TRIM27: variants seen among roughly 807,000 people sequenced by gnomAD.
TRIM27 encodes the protein tripartite motif containing 27.
A neutral mutation model predicts 57.6 loss-of-function variants in TRIM27; 12 were observed. The observed-to-expected ratio is 0.21, with a 90% CI of 0.13 to 0.34. The LOEUF is 0.34. Ranked by LOEUF, TRIM27 falls within the 10% of genes least tolerant of loss-of-function variation. The pLI is 1.00. For missense variants in TRIM27, 403 were observed against 656.8 expected (o/e 0.61, Z 4.22); for synonymous variants, 266 against 259.0 (o/e 1.03, Z -0.26).
chr6:28,907,731 C>T (rs9461485), intron 6 of TRIM27: 4,304 of 401,434 alleles, frequency 0.011, 143 homozygotes, highest in African/African-American at 0.078. Flanking sequence ...ATTTCTCACA[C>T]ATTATCCCAC....
At chr6:28,922,713 A>G (rs558211264) in intron 1 of TRIM27, among the ~76,000 whole-genome samples, 6 of 152,300 alleles carry the variant, frequency 3.9e-5, no homozygotes, top group Admixed American at 6.5e-5. Flanking sequence ...CCTGAGTCTC[A>G]GAGTGGTTAA....
intron 7 of TRIM27, chr6:28,905,422 C>T (rs1356317731): frequency 6.6e-6 from 1 of 152,094 alleles, no homozygotes; most frequent in African/African-American, 2.4e-5. Flanking sequence ...GGTTTTGATG[C>T]TATAATTAAT....
chr6:28,903,757 T>G lies in TRIM27; in HGVS notation c.*313A>C. Reference sequence around the variant, plus strand: ...CTGAGCCAAGAAGCTGGAAGTATCTTGAACGGCTCTCCAAATCCAAAGATT... The same window carrying G: ...CTGAGCCAAGAAGCTGGAAGTATCTGGAACGGCTCTCCAAATCCAAAGATT... On this transcript the variant is annotated 3_prime_UTR_variant, in exon 8 of 8. Transcript: ENST00000377199. The G allele has an allele frequency of 2.6e-6, 1 of 379,320 alleles. No homozygotes were observed. Among genetic ancestry groups the G allele is most frequent in the Non-Finnish European group, 4.7e-6 (1 of 210,708 alleles). The allele number at this position is 379,320 out of a possible 1,614,324, so 23.5% of individuals were successfully genotyped here. A position where few individuals can be genotyped will look rare whatever the true frequency, so the allele number is the denominator to read the frequency against.
In TRIM27 at chr6:28,920,198, C is replaced by G; in HGVS notation, c.561G>C (p.Glu187Asp). 2 of 1,613,256 alleles carry G rather than the reference C, an allele frequency of 1.2e-6. No homozygotes were observed. The highest frequency in any genetic ancestry group is 1.7e-6 in the Non-Finnish European group (2 of 1,179,346). Residue 187 changes from glutamate (E) to aspartate (D), a missense_variant, in exon 3 of 8, where the codon GAG becomes GAC. By Grantham distance (45) the Glu-to-Asp change is conservative (BLOSUM62 2). Coordinates refer to ENST00000377199, the MANE Select transcript of TRIM27 (RefSeq NM_006510.5). Reference protein sequence around the residue: ...MEREKIVWEFEQLYHSLKEHE... With the variant: ...MEREKIVWEFDQLYHSLKEHE... ...GCTCCTTTAAGGAGTGATACAGCTG[C>G]TCAAACTCCCAAACAATCTTCTCCC... is the stretch of plus-strand genomic sequence containing the variant.
At chr6:28,918,725 A>C (rs4713184) in intron 3 of TRIM27, among the ~76,000 whole-genome samples, 16,483 of 151,602 alleles carry the variant, frequency 0.11, 1,001 homozygotes, top group African/African-American at 0.14. Context: ...AAAATACAAA[A>C]ATTAGCCAGC....
At chr6:28,918,270 C>T (rs1306116692) in intron 3 of TRIM27, among the ~76,000 whole-genome samples, 1 of 152,114 alleles carries the variant, frequency 6.6e-6, no homozygotes, top group African/African-American at 2.4e-5. Context: ...AATCCTGTCT[C>T]GTCTCTAAGT....
chr6:28,918,352 T>A (rs1581512240), intron 3 of TRIM27, among the ~76,000 whole-genome samples: 1 of 151,832 alleles, frequency 6.6e-6, no homozygotes, highest in Non-Finnish European at 1.5e-5. Flanking sequence ...TCACCTGACC[T>A]AGTCACTACT....
chr6:28,911,360 G>T, intron 4 of TRIM27: 1 of 255,562 alleles, frequency 3.9e-6, no homozygotes, highest in Non-Finnish European at 7.3e-6. Flanking sequence ...ATGAGATAAT[G>T]AAGGGGGAAA....
chr6:28,912,993 C>A (rs540876784), intron 3 of TRIM27, among the ~76,000 whole-genome samples: 1 of 152,112 alleles, frequency 6.6e-6, no homozygotes, highest in Admixed American at 6.6e-5. Context: ...CAGTGGCTCA[C>A]GCCTGTAATC....
Position 28,923,265 on chromosome 6 carries a change from T to C in TRIM27, c.368A>G (p.Glu123Gly). 6.2e-7 allele frequency: 1 copy of C among 1,608,690 alleles called. No individual in the cohort carries two copies. The highest frequency in any genetic ancestry group is 8.5e-7 in the Non-Finnish European group (1 of 1,177,860). ...PICVVCDRSR[E>G]HRGHSVLPLE... The stretch of plus-strand genomic sequence containing the variant: ...CGGCAGCACGCTGTGGCCGCGGTGC[T>C]CGCGGGAGCGGTCGCACACCACGCA... Residue 123 changes from glutamate to glycine, a missense_variant, in exon 1 of 8, where the codon GAG (glutamate) becomes GGG (glycine). Coordinates refer to ENST00000377199, the MANE Select transcript of TRIM27 (RefSeq NM_006510.5).
chr6:28,923,519 C>G lies in TRIM27; in HGVS notation c.114G>C (p.Ala38=), dbSNP rs1195764366. The change falls in exon 1 of 8, where the codon GCG becomes GCC. Residue 38 remains alanine (A), a synonymous_variant. Coordinates refer to ENST00000377199, the MANE Select transcript of TRIM27 (RefSeq NM_006510.5). ...CCGTGCCCCAGCAGCGGGCGAGGCA[C>G]GCGCAACAGATGTTATGGCCGCAGT... ...MLDCGHNICC[A]CLARCWGTAE... is the part of the protein sequence containing the mutation. 1.2e-6 allele frequency: 2 copies of G among 1,612,042 alleles called. No homozygotes were observed. Among genetic ancestry groups the G allele is most frequent in the Non-Finnish European group, 1.7e-6 (2 of 1,179,634 alleles).
At position 28,923,402 on chromosome 6, in the gene TRIM27, C is replaced by T. The variant is rs368520983; in HGVS notation, c.231G>A (p.Leu77=). The change falls in exon 1 of 8, where the codon CTG becomes CTA. Residue 77 remains leucine (L), a synonymous_variant. Transcript: ENST00000377199. ...PNRHLANVTQ[L]VKQLRTERPS... ...GCCGCTCGGTGCGCAGCTGCTTTAC[C>T]AGTTGGGTCACGTTGGCCAGGTGCC... The T allele has an allele frequency of 1.1e-4, 179 of 1,612,220 alleles. No homozygotes were observed. Among genetic ancestry groups the T allele is most frequent in the Non-Finnish European group, 1.5e-4 (178 of 1,179,586 alleles).
intron 1 of TRIM27, 57 bp downstream of exon 1, chr6:28,923,156 G>T (rs1774181189): frequency 8.2e-6 from 12 of 1,470,486 alleles, no homozygotes; most frequent in Non-Finnish European, 9.0e-6. Context: ...AGCCCCTTTG[G>T]CTCTCTCCTC....
At chr6:28,921,025 T>A (rs1257237053) in intron 2 of TRIM27, among the ~76,000 whole-genome samples, 4 of 152,198 alleles carry the variant, frequency 2.6e-5, no homozygotes, top group African/African-American at 9.6e-5. Context: ...CATAATTTAC[T>A]GTCCTTCGTT....
chr6:28,919,403 C>T (rs1773858973), intron 3 of TRIM27, among the ~76,000 whole-genome samples: 1 of 152,198 alleles, frequency 6.6e-6, no homozygotes. Flanking sequence ...TTATTTGGCA[C>T]TTAATCCCAG....
In TRIM27 at chr6:28,903,975, A is replaced by C; in HGVS notation, c.*95T>G. ...TGCAAGGGCGTGGAACATGGTAAGG[A>C]TACCCAGCTGTGACAGGACGTGGCA... On this transcript the variant is annotated 3_prime_UTR_variant, in exon 8 of 8. Transcript: ENST00000377199. 1.0e-6 allele frequency: 1 copy of C among 974,362 alleles called. No individual in the cohort carries two copies. Among genetic ancestry groups the C allele is most frequent in the Non-Finnish European group, 1.6e-6 (1 of 630,872 alleles). 60.4% of individuals were successfully genotyped at this position (974,362 alleles called of 1,614,324 possible). A position where few individuals can be genotyped will look rare whatever the true frequency, so the allele number is the denominator to read the frequency against.
intron 2 of TRIM27, among the ~76,000 whole-genome samples, chr6:28,920,505 GTAAT>G (rs1481655802): frequency 6.6e-6 from 1 of 152,128 alleles, no homozygotes; most frequent in Non-Finnish European, 1.5e-5. Context: ...TCATGGATGG[GTAAT>G]TAAAGATAGG....
At chr6:28,909,455 G>A (rs536006702) in intron 4 of TRIM27, among the ~76,000 whole-genome samples, 6 of 152,324 alleles carry the variant, frequency 3.9e-5, no homozygotes, top group African/African-American at 1.4e-4. Flanking sequence ...AACTAGGACA[G>A]GGGCTAAGTT....
chr6:28,922,625 TTC>T (rs1385199157), intron 1 of TRIM27, among the ~76,000 whole-genome samples: 2 of 152,204 alleles, frequency 1.3e-5, no homozygotes, highest in African/African-American at 4.8e-5. Flanking sequence ...GTTTCCACGT[TTC>T]TGTTTAGCTG....
Sources: gnomAD v4.1 joint callset for allele counts (sites outside exome capture counted in the v4.1 genomes callset) on GRCh38, gnomAD v4.1.1 for gene constraint, MANE v1.5 for transcripts, NCBI Gene and HGNC (gene_info 2026-07-23, HGNC 2026-07-21) for gene names.